The following AGBL4 variants were observed in gnomAD, a reference collection of about 807,000 sequenced individuals.
AGBL4 encodes the protein AGBL carboxypeptidase 4, also known as cytosolic carboxypeptidase 6.
AGBL4 carries 58 observed loss-of-function variants against 66.4 expected under a neutral mutation model. The observed-to-expected ratio is 0.87, with a 90% CI of 0.71 to 1.09. The LOEUF (loss-of-function observed/expected upper bound fraction) is 1.09, where lower values mean the gene tolerates loss of function less well. Among genes scored for constraint, AGBL4 ranks in the 50% least tolerant of loss-of-function variants. The pLI, the probability that AGBL4 is intolerant of heterozygous loss-of-function variation, is 0.00. For missense variants in AGBL4, 579 were observed against 631.0 expected (o/e 0.92, Z 0.88); for synonymous variants, 234 against 222.9 (o/e 1.05, Z -0.44).
downstream of AGBL4, among the ~76,000 whole-genome samples, chr1:48,528,019 G>C (rs977583821): frequency 6.6e-6 from 1 of 152,172 alleles, no homozygotes; most frequent in Non-Finnish European, 1.5e-5. Context: ...ATAATGGTGG[G>C]AGTGGCTAGG....
intron 2 of AGBL4, among the ~76,000 whole-genome samples, chr1:49,734,987 C>T (rs1649747438): frequency 6.6e-6 from 1 of 151,802 alleles, no homozygotes; most frequent in Non-Finnish European, 1.5e-5. Flanking sequence ...ATTTGTCTTC[C>T]ACAAAGATGT....
At chr1:50,012,486 C>A (rs1477384562) in intron 1 of AGBL4, among the ~76,000 whole-genome samples, 2 of 149,718 alleles carry the variant, frequency 1.3e-5, no homozygotes. Flanking sequence ...TACTACATAT[C>A]CAGTTTTTTT....
intron 6 of AGBL4, among the ~76,000 whole-genome samples, chr1:48,811,934 C>T (rs990011077): frequency 2.6e-5 from 4 of 152,136 alleles, no homozygotes; most frequent in African/African-American, 4.8e-5. Flanking sequence ...GATAAGGAAC[C>T]GTTCAGCAAG....
chr1:49,659,358 C>T (rs1371538179), intron 3 of AGBL4, among the ~76,000 whole-genome samples: 1 of 152,082 alleles, frequency 6.6e-6, no homozygotes, highest in Non-Finnish European at 1.5e-5. Context: ...AATTAAAAGA[C>T]ACAGAATGGC....
At chr1:49,621,599 G>C (rs1383466105) in intron 3 of AGBL4, among the ~76,000 whole-genome samples, 1 of 152,172 alleles carries the variant, frequency 6.6e-6, no homozygotes, top group African/African-American at 2.4e-5. Context: ...AGATAATTAA[G>C]AATATTAGCA....
chr1:49,578,568 G>A (rs1003291494), intron 3 of AGBL4, among the ~76,000 whole-genome samples: 19 of 152,172 alleles, frequency 1.2e-4, no homozygotes, highest in African/African-American at 2.4e-4. Context: ...GTTTGTGCAC[G>A]TATGCACTTG....
intron 5 of AGBL4, among the ~76,000 whole-genome samples, chr1:48,884,063 G>C (rs2148846617): frequency 6.6e-6 from 1 of 152,280 alleles, no homozygotes; most frequent in Admixed American, 6.5e-5. Flanking sequence ...ACAAAGTATG[G>C]GCTTTGCAAT....
chr1:48,840,082 T>G lies in AGBL4; in HGVS notation c.634+27109A>C, dbSNP rs185558860. Among the ~76,000 whole-genome samples the G allele has an allele frequency of 3.1e-3, 474 of 152,258 alleles. 3 individuals are homozygous for G. The highest frequency in any genetic ancestry group is 0.01 in the African/African-American group (422 of 41,544). On this transcript the variant is annotated intron_variant, in intron 6 of 13. Transcript: ENST00000371839. ...GTGGAAAGATGATGAGTGTGTTTTA[T>G]AGAGGAAGAAATGAGTCTGATGTTA...
chr1:49,842,141 A>T, intron 2 of AGBL4: 1 of 367,376 alleles, frequency 2.7e-6, no homozygotes, highest in Non-Finnish European at 5.2e-6. Flanking sequence ...TGCCTCTGAA[A>T]GGACCACCCA....
At chr1:49,197,332 T>C (rs1647313972) in intron 4 of AGBL4, among the ~76,000 whole-genome samples, 1 of 152,068 alleles carries the variant, frequency 6.6e-6, no homozygotes, top group South Asian at 2.1e-4. Context: ...TGAGCAACAG[T>C]GGTAGCAGAG....
chr1:49,553,005 T>C (rs1653091535), intron 3 of AGBL4, among the ~76,000 whole-genome samples: 1 of 152,206 alleles, frequency 6.6e-6, no homozygotes, highest in Non-Finnish European at 1.5e-5. Flanking sequence ...TCCTTCTGCC[T>C]TTAAGTTTTT....
chr1:48,884,615 A>C (rs1180235479), intron 5 of AGBL4, among the ~76,000 whole-genome samples: 1 of 152,220 alleles, frequency 6.6e-6, no homozygotes, highest in Non-Finnish European at 1.5e-5. Flanking sequence ...TCATGTTCAC[A>C]AATACATTTA....
chr1:48,973,317 T>C (rs1037771782), intron 5 of AGBL4, among the ~76,000 whole-genome samples: 3 of 152,206 alleles, frequency 2.0e-5, no homozygotes, highest in Non-Finnish European at 4.4e-5. Context: ...ATTAACTGTG[T>C]ACATATCACA....
chr1:49,395,111 T>C (rs1644930587), intron 3 of AGBL4, among the ~76,000 whole-genome samples: 1 of 152,206 alleles, frequency 6.6e-6, no homozygotes, highest in Non-Finnish European at 1.5e-5. Context: ...GGCATGACCT[T>C]AATCCATCTC....
chr1:48,645,531 CAGA>C (rs1224943437), intron 8 of AGBL4, among the ~76,000 whole-genome samples: 1 of 152,198 alleles, frequency 6.6e-6, no homozygotes, highest in Non-Finnish European at 1.5e-5. Flanking sequence ...TGGGCTGTAT[CAGA>C]AGAAGCGTGG....
intron 8 of AGBL4, among the ~76,000 whole-genome samples, chr1:48,647,788 T>C (rs893354003): frequency 2.0e-5 from 3 of 152,044 alleles, no homozygotes; most frequent in African/African-American, 7.3e-5. Context: ...GCAGAGAGAG[T>C]GTGCAAGTGC....
At chr1:49,134,672 C>T (rs971067632) in intron 4 of AGBL4, among the ~76,000 whole-genome samples, 2 of 151,676 alleles carry the variant, frequency 1.3e-5, no homozygotes, top group Non-Finnish European at 2.9e-5. Flanking sequence ...TGCTGTTATC[C>T]TGTTCTTTTT....
chr1:48,924,548 TTTTTC>T (rs2148895602), intron 5 of AGBL4, among the ~76,000 whole-genome samples: 1 of 152,154 alleles, frequency 6.6e-6, no homozygotes, highest in African/African-American at 2.4e-5. Context: ...TAATTTGGAG[TTTTTC>T]TTTTGTTTTG....
intron 2 of AGBL4, among the ~76,000 whole-genome samples, chr1:49,795,883 G>A (rs1325680548): frequency 2.0e-5 from 3 of 151,714 alleles, no homozygotes; most frequent in African/African-American, 4.8e-5. Context: ...TTTCTGATTT[G>A]GAAGGATTAA....
Sources: allele counts gnomAD v4.1 joint callset (sites outside exome capture counted in the v4.1 genomes callset), GRCh38; gene constraint gnomAD v4.1.1; transcripts MANE v1.5; gene names NCBI Gene and HGNC (gene_info 2026-07-23, HGNC 2026-07-21).